The following RYR1 variants were observed in gnomAD, a reference collection of about 807,000 sequenced individuals.
RYR1 encodes the protein central core disease of muscle.
RYR1 carries 342 observed loss-of-function variants against 583.5 expected under a neutral mutation model. That is an observed-to-expected ratio of 0.59 (90% CI 0.54 to 0.64). RYR1 has a LOEUF of 0.64. Ranked by LOEUF, RYR1 falls within the 30% of genes least tolerant of loss-of-function variation. The probability of loss-of-function intolerance (pLI) is 0.00; values close to 1 mark genes in which losing one functional copy is unlikely to be tolerated. For missense variants in RYR1, 6,032 were observed against 6,917.2 expected (o/e 0.87, Z 4.54); for synonymous variants, 2,791 against 2,822.5 (o/e 0.99, Z 0.35).
At position 38,523,772 on chromosome 19, in the gene RYR1, C is replaced by T. The variant is rs1971331315; in HGVS notation, c.10441-143C>T. 8 of 1,081,042 alleles carry T rather than the reference C, an allele frequency of 7.4e-6. No individual in the cohort carries two copies. The South Asian group carries it at 7.9e-5, about 11-fold the overall frequency. The allele number at this position is 1,081,042 out of a possible 1,614,324, so 67.0% of individuals were successfully genotyped here. The stretch of plus-strand genomic sequence containing the variant: ...TCAGAGAACGACCCCCCACCCCGAG[C>T]CAAGGCCTGGAAATGCCCAGCTAGA... On this transcript the variant is annotated intron_variant, in intron 69 of 105. Coordinates refer to ENST00000359596, the MANE Select transcript of RYR1 (RefSeq NM_000540.3).
At chr19:38,501,957 G>A (rs746948155) in intron 47 of RYR1, among the ~76,000 whole-genome samples, 20 of 151,872 alleles carry the variant, frequency 1.3e-4, no homozygotes, top group Non-Finnish European at 2.8e-4. Context: ...CTGCATTCCA[G>A]CCTGGGCGAC....
At chr19:38,446,648 T>A (rs2145351713) in intron 8 of RYR1, 46 bp from the exon 9 acceptor site, 1 of 1,606,492 alleles carries the variant, frequency 6.2e-7, no homozygotes, top group Non-Finnish European at 8.5e-7. Context: ...AGGGACCAGA[T>A]TCCGGGGAGC....
At chr19:38,438,030 T>C (rs983839064) in intron 1 of RYR1, among the ~76,000 whole-genome samples, 2 of 150,804 alleles carry the variant, frequency 1.3e-5, no homozygotes, top group Non-Finnish European at 2.9e-5. Flanking sequence ...CCCATGCAAG[T>C]ATCTCTCTGA....
At chr19:38,574,932 C>T (rs1006457758) in intron 96 of RYR1, among the ~76,000 whole-genome samples, 3 of 149,526 alleles carry the variant, frequency 2.0e-5, no homozygotes, top group African/African-American at 7.4e-5. Context: ...CACAGCTACT[C>T]GGGAGGCTGA....
In RYR1 at chr19:38,534,822, G is replaced by A. The variant is rs1971895106; in HGVS notation, c.11359+3G>A. 6.2e-7 allele frequency: 1 copy of A among 1,610,602 alleles called. No homozygotes were observed. Among genetic ancestry groups the A allele is most frequent in the South Asian group, 1.1e-5 (1 of 90,126 alleles). ...GCAGATGATCAGTGCCTGCAAAGGT[G>A]CCCCTCACATGTGCACTGGACTCTT... On this transcript the variant is annotated splice_donor_region_variant and intron_variant, in intron 79 of 105. Transcript: ENST00000359596.
At chr19:38,547,237 G>A in intron 88 of RYR1, among the ~76,000 whole-genome samples, 1 of 142,802 alleles carries the variant, frequency 7.0e-6, no homozygotes, top group South Asian at 2.2e-4. Flanking sequence ...ATTTTTAGTA[G>A]AGACGGGGTT....
At position 38,511,442 on chromosome 19, in the gene RYR1, G is replaced by C. The variant is rs1970719957; in HGVS notation, c.9123-119G>C. 7.7e-6 allele frequency: 8 copies of C among 1,041,796 alleles called. No homozygotes were observed. In the East Asian group the frequency reaches 1.7e-4, roughly 22 times the overall value. The allele number at this position is 1,041,796 out of a possible 1,614,324, so 64.5% of individuals were successfully genotyped here. ...GTCTCCATCATTTGGACCCCCTCCT[G>C]GTTCCTCTCTCCTTGTCTTCTCTGT... On this transcript the variant is annotated intron_variant, in intron 60 of 105. Coordinates refer to ENST00000359596, the MANE Select transcript of RYR1 (RefSeq NM_000540.3).
intron 64 of RYR1, among the ~76,000 whole-genome samples, 175 bp from the exon 65 acceptor site, chr19:38,515,912 G>A (rs1317557332): frequency 6.6e-6 from 1 of 152,216 alleles, no homozygotes; most frequent in Non-Finnish European, 1.5e-5. Flanking sequence ...CTGCACTGCA[G>A]CCTGAGTAAC....
At chr19:38,575,335 T>C (rs1418862555) in intron 96 of RYR1, among the ~76,000 whole-genome samples, 1 of 152,120 alleles carries the variant, frequency 6.6e-6, no homozygotes, top group Non-Finnish European at 1.5e-5. Flanking sequence ...AAGATGGCAG[T>C]GGGGTCCCCA....
chr19:38,536,789 C>T (rs376209597), intron 83 of RYR1, 22 bp downstream of exon 83: 32 of 1,613,524 alleles, frequency 2.0e-5, no homozygotes, highest in African/African-American at 9.3e-5. Context: ...AGCCCACCCC[C>T]GTGCTGTGCT....
Position 38,483,024 on chromosome 19 carries a change from C to T in RYR1, c.4621-3C>T. On this transcript the variant is annotated splice_region_variant and splice_polypyrimidine_tract_variant and intron_variant, in intron 31 of 105. Coordinates refer to ENST00000359596, the MANE Select transcript of RYR1 (RefSeq NM_000540.3). The surrounding 1 kb of genome is among the most constrained non-coding windows in gnomAD (Gnocchi z 6.3). ...CTCACCTCGTCCTCTTCTCCTCTGC[C>T]AGGTGGAACCCAACACTAAGCTATT... 1 of 1,613,858 alleles carries T rather than the reference C, an allele frequency of 6.2e-7. No homozygotes were observed. The highest frequency in any genetic ancestry group is 8.5e-7 in the Non-Finnish European group (1 of 1,179,764).
intron 13 of RYR1, among the ~76,000 whole-genome samples, chr19:38,453,478 G>A (rs533237426): frequency 4.6e-5 from 7 of 151,852 alleles, no homozygotes; most frequent in South Asian, 4.2e-4. Context: ...GGGAGGTGCC[G>A]AGGCAGAAAT....
At chr19:38,484,402 C>CCCTT (rs528748067) in intron 33 of RYR1, among the ~76,000 whole-genome samples, 14 of 151,254 alleles carry the variant, frequency 9.3e-5, no homozygotes, top group African/African-American at 2.7e-4. Context: ...CTCTCTCCTT[C>CCCTT]CCTTCCTTCC....
Position 38,489,408 on chromosome 19 carries a change from C to G in RYR1, c.5779C>G (p.Leu1927Val). Residue 1927 changes from leucine to valine, a missense_variant, in exon 35 of 106, where the codon CTC (leucine) becomes GTC (valine). Physicochemically the swap from Leu to Val is conservative, Grantham distance 32. Around this residue, in one of 11 missense-constraint regions of RYR1, gnomAD observed 2,627 missense variants for 2,961.3 expected, o/e 0.89. Transcript: ENST00000359596. ...EKEEGLEEGL[L>V]QMKLPESVKL... ...AGAAGAAGGCTTGGAGGAAGGGCTG[C>G]TCCAGATGAAGTTGCCAGAGTCTGT... is the stretch of plus-strand genomic sequence containing the variant. The G allele has an allele frequency of 6.2e-7, 1 of 1,614,010 alleles. No homozygotes were observed.
Position 38,565,537 on chromosome 19 carries a change from A to G in RYR1, c.13203A>G (p.Gly4401=). ...GCGAGCAGCCGGCCGGGCCGGGCGG[A>G]GACGCAGACGGCGAGGGTGCCAGCG... is the stretch of plus-strand genomic sequence containing the variant. ...VHGEQPAGPG[G]DADGEGASEG... Residue 4401 remains glycine, a synonymous_variant, in exon 91 of 106, where the codon GGA becomes GGG. Coordinates refer to ENST00000359596, the MANE Select transcript of RYR1 (RefSeq NM_000540.3). The surrounding 1 kb of genome is among the most constrained non-coding windows in gnomAD (Gnocchi z 4.7). The G allele has an allele frequency of 6.7e-7, 1 of 1,500,952 alleles. No individual in the cohort carries two copies. Among genetic ancestry groups the G allele is most frequent in the Admixed American group, 2.1e-5 (1 of 47,716 alleles). The allele number at this position is 1,500,952 out of a possible 1,614,324, so 93.0% of individuals were successfully genotyped here.
chr19:38,452,364 C>T (rs928874794), intron 12 of RYR1, among the ~76,000 whole-genome samples: 5 of 152,118 alleles, frequency 3.3e-5, no homozygotes, highest in East Asian at 1.9e-4. Context: ...TTGCTTGAGC[C>T]GAGGGGGCAG....
Position 38,485,733 on chromosome 19 carries a change from T to A in RYR1, c.5078T>A (p.Leu1693Gln). The change falls in exon 34 of 106, where the codon CTG (leucine) becomes CAG (glutamine). Residue 1693 changes from leucine to glutamine, a missense_variant. By Grantham distance (113) the Leu-to-Gln change is moderately radical (BLOSUM62 -2). Transcript: ENST00000359596. ...TGCAGCCACGTAGACCAAGCTCAGC[T>A]GCTGCACGCCCTGGAGGACGCGCAC... ...ALCSHVDQAQ[L>Q]LHALEDAHLP... 1 of 1,612,772 alleles carries A rather than the reference T, an allele frequency of 6.2e-7. No individual in the cohort carries two copies. Among genetic ancestry groups the A allele is most frequent in the Non-Finnish European group, 8.5e-7 (1 of 1,179,932 alleles).
Position 38,517,570 on chromosome 19 carries a change from C to T in RYR1, c.9897C>T (p.Gly3299=), listed in dbSNP as rs780548929. 2.5e-5 allele frequency: 41 copies of T among 1,613,402 alleles called. No homozygotes were observed. Among genetic ancestry groups the T allele is most frequent in the Middle Eastern group, 1.6e-4 (1 of 6,084 alleles). Residue 3299 remains glycine, a synonymous_variant, in exon 66 of 106, where the codon GGC becomes GGT. Coordinates refer to ENST00000359596, the MANE Select transcript of RYR1 (RefSeq NM_000540.3). ...CACCCCCTTCCGCCCTGCCCGCCGGCGCCCCCCCACCCTGCACAGCTGTCA... is the reference window on the plus strand; with the variant it reads ...CACCCCCTTCCGCCCTGCCCGCCGGTGCCCCCCCACCCTGCACAGCTGTCA... The part of the protein sequence containing the change: ...PEAPPSALPA[G]APPPCTAVTS...
In RYR1 at chr19:38,527,130, C is replaced by G. The variant is rs1049710355; in HGVS notation, c.10686+78C>G. The G allele has an allele frequency of 3.3e-6, 5 of 1,513,314 alleles. No individual in the cohort carries two copies. The African/African-American group carries it at 6.8e-5, about 21-fold the overall frequency. The allele number at this position is 1,513,314 out of a possible 1,614,324, so 93.7% of individuals were successfully genotyped here. A position where few individuals can be genotyped will look rare whatever the true frequency, so the allele number is the denominator to read the frequency against. On this transcript the variant is annotated intron_variant, in intron 72 of 105. Transcript: ENST00000359596. The stretch of plus-strand genomic sequence containing the variant: ...TATTAGTGAAGGTTTGAGCATTTAC[C>G]AAAGACCAGGCATTGAAGAAAGACC...
Sources: allele counts gnomAD v4.1 joint callset (sites outside exome capture counted in the v4.1 genomes callset), GRCh38; gene constraint gnomAD v4.1.1; regional missense constraint gnomAD v4.1.1; non-coding constraint Gnocchi (gnomAD v3.1); transcripts MANE v1.5; gene names NCBI Gene and HGNC (gene_info 2026-07-23, HGNC 2026-07-21).